Variants in NCAPD2 observed in about 807,000 individuals in gnomAD.
NCAPD2 encodes condensin complex subunit 1.
NCAPD2 carries 100 observed loss-of-function variants against 164.5 expected under a neutral mutation model. That is an observed-to-expected ratio of 0.61 (90% confidence interval 0.52 to 0.72). The LOEUF (loss-of-function observed/expected upper bound fraction) is 0.72. Among genes scored for constraint, NCAPD2 ranks in the 30% least tolerant of loss-of-function variants. The pLI, the probability that NCAPD2 is intolerant of heterozygous loss-of-function variation, is 0.00. For synonymous variants in NCAPD2, 585 were observed against 642.6 expected (o/e 0.91, Z 1.36); for missense variants, 1,560 against 1,749.2 (o/e 0.89, Z 1.93).
At chr12:6,496,987 G>A (rs1227568288) in intron 2 of NCAPD2, among the ~76,000 whole-genome samples, 1 of 152,192 alleles carries the variant, frequency 6.6e-6, no homozygotes, top group African/African-American at 2.4e-5. Flanking sequence ...CGCATATGTG[G>A]TCTATTGTTT....
At chr12:6,505,950 G>T (rs1946095785) in intron 2 of NCAPD2, among the ~76,000 whole-genome samples, 1 of 151,912 alleles carries the variant, frequency 6.6e-6, no homozygotes, top group Admixed American at 6.6e-5. Context: ...GTCTGTGTTT[G>T]TGTGTGAGGT....
intron 13 of NCAPD2, among the ~76,000 whole-genome samples, chr12:6,519,955 C>CTTGAGGCCAGGAGT (rs1946248971): frequency 6.6e-6 from 1 of 152,036 alleles, no homozygotes; most frequent in African/African-American, 2.4e-5. Flanking sequence ...TGGTGGATCT[C>CTTGAGGCCAGGAGT]TTGAGGCCAG....
intron 6 of NCAPD2, among the ~76,000 whole-genome samples, chr12:6,511,665 T>C (rs961023127): frequency 1.3e-5 from 2 of 152,076 alleles, no homozygotes; most frequent in African/African-American, 4.8e-5. Flanking sequence ...ATAAGTTTGA[T>C]GGAAGAAGGT....
rs1945995964 is a variant in NCAPD2 at position 6,497,620 on chromosome 12, T to TTG, written c.127+2396_127+2397insGT. On this transcript the variant is annotated intron_variant, in intron 2 of 31. Coordinates refer to ENST00000315579, the MANE Select transcript of NCAPD2 (RefSeq NM_014865.4). Reference sequence around the variant, plus strand: ...GACATGATCTTGTTCCTGTCACTTTTTTGTTGTTGTTGTTGTTGAGACTGA... The same window carrying TTG: ...GACATGATCTTGTTCCTGTCACTTTTTGTTGTTGTTGTTGTTGTTGAGACTGA... Among the ~76,000 whole-genome samples the TTG allele has an allele frequency of 2.0e-4, 28 of 141,730 alleles. 1 individual carries two copies. The highest frequency in any genetic ancestry group is 7.4e-5 in the Admixed American group (1 of 13,540). The allele number at this position is 141,730 out of a possible 152,430, so 93.0% of individuals were successfully genotyped here.
chr12:6,516,802 G>A (rs760677678), intron 9 of NCAPD2, 26 bp from the exon 10 acceptor site: 4 of 1,610,762 alleles, frequency 2.5e-6, no homozygotes, highest in Middle Eastern at 1.7e-4. Flanking sequence ...CTAAAGGTTT[G>A]ACCCCTCTAT....
rs138542919 is a variant in NCAPD2 at position 6,497,568 on chromosome 12, G to A, written c.127+2343G>A. Reference sequence around the variant, plus strand: ...ATGCAGTGTTTGGTTTTCTGTTCTTGCATTAGTTTGCTGAGTCCCTGCAAA... The same window carrying A: ...ATGCAGTGTTTGGTTTTCTGTTCTTACATTAGTTTGCTGAGTCCCTGCAAA... On this transcript the variant is annotated intron_variant, in intron 2 of 31. Coordinates refer to ENST00000315579, the MANE Select transcript of NCAPD2 (RefSeq NM_014865.4). 2.7e-3 allele frequency among the ~76,000 whole-genome samples: 406 copies of A among 152,114 alleles called. 3 individuals carry two copies. The highest frequency in any genetic ancestry group is 9.6e-3 in the African/African-American group (398 of 41,482).
intron 2 of NCAPD2, among the ~76,000 whole-genome samples, chr12:6,498,295 A>C (rs1047388320): frequency 6.6e-6 from 1 of 152,198 alleles, no homozygotes; most frequent in Non-Finnish European, 1.5e-5. Context: ...ATAAGATCAA[A>C]TCATTTAATT....
chr12:6,513,163 G>T (rs1057127171), intron 6 of NCAPD2, among the ~76,000 whole-genome samples: 1 of 152,172 alleles, frequency 6.6e-6, no homozygotes, highest in African/African-American at 2.4e-5. Context: ...ATTCAGAGCC[G>T]TGAGACTGAA....
At chr12:6,518,517 T>TGTTTTTTTTTG (rs1565544180) in intron 13 of NCAPD2, among the ~76,000 whole-genome samples, 1 of 113,054 alleles carries the variant, frequency 8.8e-6, no homozygotes, top group African/African-American at 3.7e-5. Context: ...TTTTTTTTTT[T>TGTTTTTTTTTG]TTTTTTTTTT....
chr12:6,524,538 A>T (rs1242887420), intron 17 of NCAPD2, among the ~76,000 whole-genome samples: 1 of 151,060 alleles, frequency 6.6e-6, no homozygotes, highest in African/African-American at 2.4e-5. Context: ...AGTCCCAGCT[A>T]CTTGGGAGGC....
At chr12:6,494,941 C>A in intron 1 of NCAPD2, 135 bp from the exon 2 acceptor site, 1 of 847,052 alleles carries the variant, frequency 1.2e-6, no homozygotes, top group Non-Finnish European at 1.8e-6. Flanking sequence ...GGGGAACTAA[C>A]AAAACCAGAT....
chr12:6,506,494 G>A (rs546869775), intron 2 of NCAPD2, among the ~76,000 whole-genome samples: 1 of 152,046 alleles, frequency 6.6e-6, no homozygotes. Flanking sequence ...GGAGGCTGAG[G>A]CAGGAGAGTG....
Position 6,530,951 on chromosome 12 carries a change from C to A in NCAPD2, c.3995C>A (p.Ala1332Asp). ...AGGTACCAGCCTCTGGCTTCTACAG[C>A]CTCAGACAATGACTTTGTCACACCA... Reference protein sequence around the residue: ...GSRYQPLASTASDNDFVTPEP... With the variant: ...GSRYQPLASTDSDNDFVTPEP... The change falls in exon 31 of 32, where the codon GCC becomes GAC. Residue 1332 changes from alanine (A) to aspartate (D), a missense_variant. Coordinates refer to ENST00000315579, the MANE Select transcript of NCAPD2 (RefSeq NM_014865.4). 1 of 1,614,198 alleles carries A rather than the reference C, an allele frequency of 6.2e-7. No homozygotes were observed. The highest frequency in any genetic ancestry group is 8.5e-7 in the Non-Finnish European group (1 of 1,180,038).
chr12:6,518,030 A>C (rs1303881933), intron 13 of NCAPD2, 71 bp downstream of exon 13: 3 of 1,464,966 alleles, frequency 2.0e-6, no homozygotes, highest in Admixed American at 1.8e-5. Flanking sequence ...AACTTACATA[A>C]TGTGTCTTTT....
chr12:6,531,056 G>A lies in NCAPD2; in HGVS notation c.4100G>A (p.Ser1367Asn). ...AAGAAACCCAAAGTTGTCTTCTCAA[G>A]TGATGAGTCCAGTGAGGAAGGTATG... is the stretch of plus-strand genomic sequence containing the variant. ...SKKKPKVVFS[S>N]DESSEEDLSA... Residue 1367 changes from serine to asparagine, a missense_variant, in exon 31 of 32, where the codon AGT becomes AAT. Transcript: ENST00000315579. This position sits in a 1 kb window ranked among gnomAD's most constrained non-coding sequence, Gnocchi z 4.1. 6.2e-7 allele frequency: 1 copy of A among 1,613,754 alleles called. No homozygotes were observed. Among genetic ancestry groups the A allele is most frequent in the South Asian group, 1.1e-5 (1 of 91,056 alleles).
At chr12:6,507,841 GA>G (rs199918188) in intron 2 of NCAPD2, among the ~76,000 whole-genome samples, 2,518 of 151,762 alleles carry the variant, frequency 0.017, 64 homozygotes, top group African/African-American at 0.055. Context: ...AGGCAGAAAC[GA>G]AAAAAAGAGA....
rs780442012 is a variant in NCAPD2 at position 6,509,782 on chromosome 12, AGCATTTT to A, written c.197_203del (p.Leu67ThrfsTer5). 5 of 1,613,682 alleles carry A rather than the reference AGCATTTT, an allele frequency of 3.1e-6. No individual in the cohort carries two copies. Among genetic ancestry groups the A allele is most frequent in the Admixed American group, 1.7e-5 (1 of 59,898 alleles). On this transcript the variant is annotated frameshift_variant, in exon 3 of 32. Coordinates refer to ENST00000315579, the MANE Select transcript of NCAPD2 (RefSeq NM_014865.4). LOFTEE classifies it high-confidence loss of function. ...GCTGCAGCACTTTGATACTATCTAC[AGCATTTT>A]GCAGTAAGTGAAACACCCAACTGGT...
intron 2 of NCAPD2, 62 bp from the exon 3 acceptor site, chr12:6,509,655 A>G (rs1227395346): frequency 4.1e-6 from 6 of 1,470,134 alleles, no homozygotes; most frequent in East Asian, 4.5e-5. Flanking sequence ...TCTGCCATGG[A>G]TAGAATTTAC....
Position 6,514,344 on chromosome 12 carries a change from A to ATAACACACCTGCTTGGTGTAGCCT in NCAPD2, c.669_692dup (p.His225_Thr232dup). ...GAAGAACCGCCCCACTCGGGAAGCC[A>ATAACACACCTGCTTGGTGTAGCCT]TAACACACCTGCTTGGTGTAGCCTT... is the stretch of plus-strand genomic sequence containing the variant. On this transcript the variant is annotated inframe_insertion, in exon 7 of 32. Coordinates refer to ENST00000315579, the MANE Select transcript of NCAPD2 (RefSeq NM_014865.4). The ATAACACACCTGCTTGGTGTAGCCT allele has an allele frequency of 6.2e-7, 1 of 1,614,228 alleles. No individual in the cohort carries two copies. The highest frequency in any genetic ancestry group is 2.2e-5 in the East Asian group (1 of 44,886).
Sources: gnomAD v4.1 joint callset for allele counts (sites outside exome capture counted in the v4.1 genomes callset) on GRCh38, gnomAD v4.1.1 for gene constraint, Gnocchi (gnomAD v3.1) non-coding constraint, MANE v1.5 for transcripts, NCBI Gene and HGNC (gene_info 2026-07-23, HGNC 2026-07-21) for gene names.